The following TNIK variants were observed in gnomAD, a reference collection of about 807,000 sequenced individuals.
TNIK encodes the protein TRAF2 and NCK interacting kinase.
A neutral mutation model predicts 191.3 loss-of-function variants in TNIK; 49 were observed. That is an observed-to-expected ratio of 0.26 (90% confidence interval 0.20 to 0.32). The LOEUF is 0.32. Ranked by LOEUF, TNIK falls within the 10% of genes least tolerant of loss-of-function variation. The pLI, the probability that TNIK is intolerant of heterozygous loss-of-function variation, is 1.00. For synonymous variants in TNIK, 594 were observed against 600.9 expected, an observed-to-expected ratio of 0.99 and a Z score of 0.17; for missense variants, 1,155 against 1,702.3, an observed-to-expected ratio of 0.68 and a Z score of 5.66.
Position 171,460,264 on chromosome 3 carries a change from C to T in TNIK, c.-201G>A. On this transcript the variant is annotated 5_prime_UTR_variant, in exon 1 of 33. Coordinates refer to ENST00000436636, the MANE Select transcript of TNIK (RefSeq NM_015028.4). The surrounding 1 kb of genome is among the most constrained non-coding windows in gnomAD (Gnocchi z 6.8). ...GGTCCGCCGGGTCCGGGAGCCCAGC[C>T]TGCGCGGATCTCCAAGCCCCGAGCA... is the stretch of plus-strand genomic sequence containing the variant. The T allele has an allele frequency of 6.2e-6, 4 of 650,244 alleles. No individual in the cohort carries two copies. Among genetic ancestry groups the T allele is most frequent in the Non-Finnish European group, 1.1e-5 (4 of 379,786 alleles). 40.3% of individuals were successfully genotyped at this position (650,244 alleles called of 1,614,324 possible).
At chr3:171,166,089 A>C (rs1362235545) in intron 10 of TNIK, among the ~76,000 whole-genome samples, 1 of 152,210 alleles carries the variant, frequency 6.6e-6, no homozygotes, top group Admixed American at 6.5e-5. Flanking sequence ...CTGGTGAGAG[A>C]TACCATACCG....
At chr3:171,191,944 G>A (rs1738112567) in intron 5 of TNIK, among the ~76,000 whole-genome samples, 3 of 152,140 alleles carry the variant, frequency 2.0e-5, no homozygotes, top group Admixed American at 6.5e-5. Context: ...TCGGGTCCCC[G>A]AGTGTTCTTT....
At chr3:171,214,995 G>A (rs1032826195) in intron 3 of TNIK, among the ~76,000 whole-genome samples, 12 of 152,162 alleles carry the variant, frequency 7.9e-5, no homozygotes, top group African/African-American at 2.7e-4. Flanking sequence ...CCTGCATCAA[G>A]AGGTGGAGTC....
intron 2 of TNIK, among the ~76,000 whole-genome samples, chr3:171,286,408 T>C (rs1374278239): frequency 2.0e-5 from 3 of 152,210 alleles, no homozygotes; most frequent in Non-Finnish European, 4.4e-5. Context: ...TCATTTTTCA[T>C]AGTCTAAGAA....
At chr3:171,236,827 G>C (rs966709478) in intron 2 of TNIK, among the ~76,000 whole-genome samples, 1 of 152,162 alleles carries the variant, frequency 6.6e-6, no homozygotes, top group Non-Finnish European at 1.5e-5. Context: ...GCCCTGCACA[G>C]GGTTGCCAAA....
At chr3:171,193,467 C>A (rs1191695830) in intron 5 of TNIK, among the ~76,000 whole-genome samples, 1 of 152,122 alleles carries the variant, frequency 6.6e-6, no homozygotes, top group Non-Finnish European at 1.5e-5. Flanking sequence ...TTATTAAGGT[C>A]TTCTTTAATA....
intron 7 of TNIK, among the ~76,000 whole-genome samples, chr3:171,183,457 G>C (rs1736931460): frequency 6.6e-6 from 1 of 152,306 alleles, no homozygotes; most frequent in Middle Eastern, 3.4e-3. Context: ...CTTTTGAAAT[G>C]TTCCAGGTGG....
At chr3:171,198,595 A>G (rs955614626) in intron 4 of TNIK, among the ~76,000 whole-genome samples, 5 of 152,214 alleles carry the variant, frequency 3.3e-5, no homozygotes, top group African/African-American at 1.2e-4. Context: ...TTGTTTCAAA[A>G]TAACTAGAAG....
chr3:171,347,333 T>A lies in TNIK; in HGVS notation c.123+22287A>T, dbSNP rs150146252. 147 of 1,123,572 alleles carry A rather than the reference T, an allele frequency of 1.3e-4. 1 individual carries two copies. The highest frequency in any genetic ancestry group is 1.8e-4 in the Non-Finnish European group (141 of 798,382). 69.6% of individuals were successfully genotyped at this position (1,123,572 alleles called of 1,614,324 possible). The stretch of plus-strand genomic sequence containing the variant: ...AAGCTAGTTCTAAGTAGCATCTAGA[T>A]GCCTGGTATACAAGTCCTAAGTGCC... On this transcript the variant is annotated intron_variant, in intron 2 of 32. Transcript: ENST00000436636.
At chr3:171,401,307 C>A (rs1245166982) in intron 1 of TNIK, among the ~76,000 whole-genome samples, 1 of 151,540 alleles carries the variant, frequency 6.6e-6, no homozygotes, top group African/African-American at 2.4e-5. Context: ...CAGGCTTGGG[C>A]TCCTCCTCCT....
chr3:171,175,195 TAGAATCACA>T lies in TNIK; in HGVS notation c.773+48_773+56del, dbSNP rs1204019069. The T allele has an allele frequency of 3.3e-6, 5 of 1,529,002 alleles. No individual in the cohort carries two copies. In the Admixed American group the frequency reaches 5.6e-5, roughly 17 times the overall value. 94.7% of individuals were successfully genotyped at this position (1,529,002 alleles called of 1,614,324 possible). ...CCTAGGGATTAGAGCTAATCCAAAA[TAGAATCACA>T]AGAAAACCTCACCCTTAGATCTGCG... On this transcript the variant is annotated intron_variant, in intron 9 of 32. Coordinates refer to ENST00000436636, the MANE Select transcript of TNIK (RefSeq NM_015028.4).
chr3:171,087,158 G>C (rs1721465841), intron 24 of TNIK, among the ~76,000 whole-genome samples, 184 bp downstream of exon 24: 1 of 152,214 alleles, frequency 6.6e-6, no homozygotes, highest in African/African-American at 2.4e-5. Flanking sequence ...TGATATCTGA[G>C]AACTTTTCAC....
At chr3:171,406,557 G>A (rs1053141011) in intron 1 of TNIK, among the ~76,000 whole-genome samples, 2 of 152,160 alleles carry the variant, frequency 1.3e-5, no homozygotes, top group Non-Finnish European at 2.9e-5. Flanking sequence ...AGCCTCCTGA[G>A]TAGCCAGGAC....
At chr3:171,224,722 G>A (rs1188461835) in intron 3 of TNIK, among the ~76,000 whole-genome samples, 1 of 152,150 alleles carries the variant, frequency 6.6e-6, no homozygotes, top group Non-Finnish European at 1.5e-5. Context: ...CTACCTGGGA[G>A]GGTCCAGCTC....
chr3:171,186,883 C>T (rs1429511988), intron 7 of TNIK, among the ~76,000 whole-genome samples: 1 of 152,176 alleles, frequency 6.6e-6, no homozygotes, highest in East Asian at 1.9e-4. Flanking sequence ...ACTCCTTAGC[C>T]ATAATCTGAG....
At chr3:171,241,589 GATTT>G (rs1054452523) in intron 2 of TNIK, among the ~76,000 whole-genome samples, 2 of 152,144 alleles carry the variant, frequency 1.3e-5, no homozygotes, top group African/African-American at 2.4e-5. Context: ...CACCTAGGAA[GATTT>G]ATTTCTGTAA....
chr3:171,133,576 C>G (rs1215447505), intron 15 of TNIK, among the ~76,000 whole-genome samples: 3 of 152,178 alleles, frequency 2.0e-5, no homozygotes, highest in East Asian at 1.9e-4. Flanking sequence ...CTCAGGAAGG[C>G]AGGAGACACG....
At chr3:171,443,690 G>C (rs1414012907) in intron 1 of TNIK, among the ~76,000 whole-genome samples, 1 of 152,042 alleles carries the variant, frequency 6.6e-6, no homozygotes, top group Non-Finnish European at 1.5e-5. Context: ...AGCTGGGTGT[G>C]GTAGCACACA....
chr3:171,100,740 C>A (rs1723385526), intron 22 of TNIK, among the ~76,000 whole-genome samples: 1 of 120,638 alleles, frequency 8.3e-6, no homozygotes. Context: ...ACTTTCTCCT[C>A]ACCTTGAAAA....
Sources: allele counts gnomAD v4.1 joint callset (sites outside exome capture counted in the v4.1 genomes callset), GRCh38; gene constraint gnomAD v4.1.1; non-coding constraint Gnocchi (gnomAD v3.1); transcripts MANE v1.5; gene names NCBI Gene and HGNC (gene_info 2026-07-23, HGNC 2026-07-21).